The following MRPL35 variants were observed in gnomAD, a reference collection of about 807,000 sequenced individuals.
MRPL35 encodes the protein large ribosomal subunit protein bL35m.
A neutral mutation model predicts 21.6 loss-of-function variants in MRPL35; 18 were observed. The observed-to-expected ratio is 0.83, with a 90% CI of 0.58 to 1.24. The LOEUF (loss-of-function observed/expected upper bound fraction) is 1.24, where lower values mean the gene tolerates loss of function less well. MRPL35 is among the 50% of genes most tolerant of loss of function. The probability of loss-of-function intolerance (pLI) is 0.00; values close to 1 mark genes in which losing one functional copy is unlikely to be tolerated. For synonymous variants in MRPL35, 87 were observed against 86.9 expected, an observed-to-expected ratio of 1.00 and a Z score of -0.01; for missense variants, 223 against 223.2, an observed-to-expected ratio of 1.00 and a Z score of 0.01.
At chr2:86,209,967 A>T (rs1312276803) in intron 3 of MRPL35, among the ~76,000 whole-genome samples, 2 of 152,182 alleles carry the variant, frequency 1.3e-5, no homozygotes, top group Non-Finnish European at 1.5e-5. Context: ...TGATCATGCC[A>T]CTGCACTCCA....
In MRPL35 at chr2:86,210,480, G is replaced by C. The variant is rs1401914968; in HGVS notation, c.379G>C (p.Ala127Pro). ...TACATTTCTTTGTAATATCTGACAG[G>C]CTGGCTATAAGAAAAAATTATGGAA... ...LHCGLWVRRK[A>P]GYKKKLWKKT... Residue 127 changes from alanine (A) to proline (P), a missense_variant and splice_region_variant, in exon 4 of 4, where the codon GCT becomes CCT. Physicochemically the swap from Ala to Pro is conservative, Grantham distance 27. Transcript: ENST00000337109. 6.2e-7 allele frequency: 1 copy of C among 1,603,558 alleles called. No individual in the cohort carries two copies. Among genetic ancestry groups the C allele is most frequent in the Non-Finnish European group, 8.5e-7 (1 of 1,175,568 alleles).
intron 1 of MRPL35, among the ~76,000 whole-genome samples, chr2:86,202,659 A>G (rs897007626): frequency 3.9e-5 from 6 of 152,138 alleles, no homozygotes; most frequent in Admixed American, 2.0e-4. Flanking sequence ...AGTTTTCTGC[A>G]CCAATGTTTA....
Position 86,199,505 on chromosome 2 carries a change from C to T in MRPL35, c.15C>T (p.Ala5=), listed in dbSNP as rs940254223. The T allele has an allele frequency of 8.7e-6, 14 of 1,614,106 alleles. No individual in the cohort carries two copies. Among genetic ancestry groups the T allele is most frequent in the Non-Finnish European group, 1.2e-5 (14 of 1,180,062 alleles). The part of the protein sequence containing the change: MAAS[A]FAGAVRAASG... ...CGAAGGTGAAGATGGCTGCCTCTGC[C>T]TTTGCTGGTGCAGTGAGAGCAGCTT... Residue 5 remains alanine, a synonymous_variant, in exon 1 of 4, where the codon GCC becomes GCT. Coordinates refer to ENST00000337109, the MANE Select transcript of MRPL35 (RefSeq NM_016622.4).
At position 86,212,277 on chromosome 2, in the gene MRPL35, T is replaced by C. The variant is rs1286543353; in HGVS notation, c.*1609T>C. On this transcript the variant is annotated 3_prime_UTR_variant, in exon 4 of 4. Coordinates refer to ENST00000337109, the MANE Select transcript of MRPL35 (RefSeq NM_016622.4). ...TTATTAAAAGGAGAAAGGATAACAA[T>C]AGAATGTTCTAAAACCAGAAGTCCA... 2.7e-6 allele frequency: 4 copies of C among 1,464,342 alleles called. No individual in the cohort carries two copies. The highest frequency in any genetic ancestry group is 5.1e-5 in the East Asian group (2 of 39,558). The allele number at this position is 1,464,342 out of a possible 1,614,324, so 90.7% of individuals were successfully genotyped here. A position where few individuals can be genotyped will look rare whatever the true frequency, so the allele number is the denominator to read the frequency against.
rs3835957 is a variant in MRPL35 at position 86,209,074 on chromosome 2, GT to G, written c.379-1405del. Reference sequence around the variant, plus strand: ...AGGGCAATAAATTAGGTGTTTGTACGTCAGAGATCCATAGTAACCCAGTTTG... The same window carrying G: ...AGGGCAATAAATTAGGTGTTTGTACGCAGAGATCCATAGTAACCCAGTTTG... On this transcript the variant is annotated intron_variant, in intron 3 of 3. Coordinates refer to ENST00000337109, the MANE Select transcript of MRPL35 (RefSeq NM_016622.4). Among the ~76,000 whole-genome samples the G allele has an allele frequency of 6.8e-3, 1,033 of 152,244 alleles. 27 individuals carry two copies. The East Asian group carries it at 0.1, about 15-fold the overall frequency.
rs1275581871 is a variant in MRPL35 at position 86,212,649 on chromosome 2, A to G, written c.*1981A>G. 6 of 1,323,264 alleles carry G rather than the reference A, an allele frequency of 4.5e-6. No homozygotes were observed. In the East Asian group the frequency reaches 1.5e-4, roughly 32 times the overall value. 82.0% of individuals were successfully genotyped at this position (1,323,264 alleles called of 1,614,324 possible). ...TTCGTTTCTCCTCTAGACCAGGGAC[A>G]GGTGTAGAGATAAGGACTGGCAACC... On this transcript the variant is annotated 3_prime_UTR_variant, in exon 4 of 4. Coordinates refer to ENST00000337109, the MANE Select transcript of MRPL35 (RefSeq NM_016622.4).
chr2:86,207,451 C>A, intron 3 of MRPL35, 124 bp downstream of exon 3: 1 of 1,002,946 alleles, frequency 1.0e-6, no homozygotes, highest in Non-Finnish European at 1.4e-6. Flanking sequence ...CCAGCTTGGC[C>A]AACATGGTGA....
chr2:86,201,485 A>T (rs1467989159), intron 1 of MRPL35, among the ~76,000 whole-genome samples: 1 of 151,540 alleles, frequency 6.6e-6, no homozygotes, highest in African/African-American at 2.4e-5. Flanking sequence ...TCTTTTTTAC[A>T]TTATTTTGGA....
rs1176625326 is a variant in MRPL35, at chr2:86,209,417, A to G, written c.379-1063A>G. ...TGTGGTTTTAGCCAGATGTTAATTA[A>G]GCTGGATGGCACCTAAGATCCCTTC... On this transcript the variant is annotated intron_variant, in intron 3 of 3. Transcript: ENST00000337109. Among the ~76,000 whole-genome samples, 2 of 152,246 alleles carry G rather than the reference A, an allele frequency of 1.3e-5. 1 individual carries two copies. The highest frequency in any genetic ancestry group is 2.9e-5 in the Non-Finnish European group (2 of 68,046).
At chr2:86,199,849 G>T (rs1322673757) in intron 1 of MRPL35, among the ~76,000 whole-genome samples, 1 of 152,152 alleles carries the variant, frequency 6.6e-6, no homozygotes, top group East Asian at 1.9e-4. Flanking sequence ...TGATTTAGAG[G>T]CTACGACCTG....
In MRPL35 at chr2:86,211,041, C is replaced by A; in HGVS notation, c.*373C>A. Reference sequence around the variant, plus strand: ...ATGTGCCAGGGAATTCAGGAACCACCTCACCAACCCCATCTCCCACTCAGA... The same window carrying A: ...ATGTGCCAGGGAATTCAGGAACCACATCACCAACCCCATCTCCCACTCAGA... On this transcript the variant is annotated 3_prime_UTR_variant, in exon 4 of 4. Coordinates refer to ENST00000337109, the MANE Select transcript of MRPL35 (RefSeq NM_016622.4). 3.0e-6 allele frequency: 3 copies of A among 989,364 alleles called. No homozygotes were observed. Among genetic ancestry groups the A allele is most frequent in the Non-Finnish European group, 3.6e-6 (3 of 832,468 alleles). 61.3% of individuals were successfully genotyped at this position (989,364 alleles called of 1,614,324 possible). A position where few individuals can be genotyped will look rare whatever the true frequency, so the allele number is the denominator to read the frequency against.
chr2:86,206,370 T>C, intron 2 of MRPL35, 75 bp downstream of exon 2: 9 of 1,397,230 alleles, frequency 6.4e-6, no homozygotes, highest in Non-Finnish European at 8.8e-6. Flanking sequence ...TCTCACTCTG[T>C]TGCCCAGGCC....
chr2:86,203,080 CT>C (rs35289845), intron 1 of MRPL35, among the ~76,000 whole-genome samples: 315 of 131,984 alleles, frequency 2.4e-3, no homozygotes, highest in East Asian at 6.7e-3. Flanking sequence ...GTGGGAAATT[CT>C]TTTTTTTTTT....
rs1673818601 is a variant in MRPL35, at chr2:86,207,252, A to G, written c.303A>G (p.Lys101=). 1 of 1,614,084 alleles carries G rather than the reference A, an allele frequency of 6.2e-7. No individual in the cohort carries two copies. The highest frequency in any genetic ancestry group is 8.5e-7 in the Non-Finnish European group (1 of 1,179,938). Residue 101 remains lysine (K), a synonymous_variant, in exon 3 of 4, where the codon AAA becomes AAG. Transcript: ENST00000337109. ...CTCTAACATACTTCAGTGCAAGAAAAGGCAAGAGAAAGACCGTGAAAGCTG... is the reference window on the plus strand; with the variant it reads ...CTCTAACATACTTCAGTGCAAGAAAGGGCAAGAGAAAGACCGTGAAAGCTG... ...VRSLTYFSAR[K]GKRKTVKAVI... is the part of the protein sequence containing the mutation.
At chr2:86,206,334 GTTTT>G in intron 2 of MRPL35, 39 bp downstream of exon 2, 1 of 1,546,520 alleles carries the variant, frequency 6.5e-7, no homozygotes. Context: ...TTTGTTTTTT[GTTTT>G]TTGTTTTTTT....
chr2:86,200,694 T>G (rs77857977), intron 1 of MRPL35, among the ~76,000 whole-genome samples: 1 of 152,170 alleles, frequency 6.6e-6, no homozygotes, highest in African/African-American at 2.4e-5. Flanking sequence ...TTTTTTTTTT[T>G]TGAGACGGAG....
chr2:86,209,700 G>T (rs1002413383), intron 3 of MRPL35, among the ~76,000 whole-genome samples: 8 of 152,164 alleles, frequency 5.3e-5, no homozygotes, highest in African/African-American at 1.9e-4. Flanking sequence ...TTTGAGAACT[G>T]TGCTTCTCAG....
At chr2:86,208,392 T>G (rs892283064) in intron 3 of MRPL35, among the ~76,000 whole-genome samples, 2 of 152,138 alleles carry the variant, frequency 1.3e-5, no homozygotes, top group African/African-American at 4.8e-5. Flanking sequence ...CTGTGACCTC[T>G]GCCTCACGGG....
chr2:86,205,977 C>T (rs1418359390), intron 1 of MRPL35, 129 bp from the exon 2 acceptor site: 1 of 797,052 alleles, frequency 1.3e-6, no homozygotes, highest in African/African-American at 1.7e-5. Context: ...GTAAAAGCTT[C>T]ACAGATGAGT....
Sources: gnomAD v4.1 joint callset for allele counts (sites outside exome capture counted in the v4.1 genomes callset) on GRCh38, gnomAD v4.1.1 for gene constraint, MANE v1.5 for transcripts, NCBI Gene and HGNC (gene_info 2026-07-23, HGNC 2026-07-21) for gene names.